ADAMTSL3: variants seen among roughly 807,000 people sequenced by gnomAD.
ADAMTSL3 encodes ADAMTS like 3, also known as ADAMTS-like protein 3.
A neutral mutation model predicts 201.7 loss-of-function variants in ADAMTSL3; 128 were observed. The ratio of observed to expected loss-of-function variants is 0.63; its 90% confidence interval spans 0.55 to 0.73. The LOEUF (loss-of-function observed/expected upper bound fraction) is 0.73, where lower values mean the gene tolerates loss of function less well. Ranked by LOEUF, ADAMTSL3 falls within the 30% of genes least tolerant of loss-of-function variation. The pLI, the probability that ADAMTSL3 is intolerant of heterozygous loss-of-function variation, is 0.00. For missense variants in ADAMTSL3, 1,990 were observed against 2,119.6 expected, an observed-to-expected ratio of 0.94 and a Z score of 1.20; for synonymous variants, 738 against 748.4, an observed-to-expected ratio of 0.99 and a Z score of 0.23.
At chr15:83,978,845 G>A (rs1038521868) in intron 20 of ADAMTSL3, among the ~76,000 whole-genome samples, 34 of 152,378 alleles carry the variant, frequency 2.2e-4, no homozygotes, top group African/African-American at 7.9e-4. Context: ...AAATGGGCAT[G>A]CAGCCACAGG....
chr15:84,030,492 T>C (rs1455862363), intron 27 of ADAMTSL3, among the ~76,000 whole-genome samples: 1 of 152,170 alleles, frequency 6.6e-6, no homozygotes, highest in Non-Finnish European at 1.5e-5. Context: ...GGCCAACTTC[T>C]CCCATTTGGA....
chr15:83,709,374 G>A (rs758779100), intron 3 of ADAMTSL3, among the ~76,000 whole-genome samples: 2 of 152,136 alleles, frequency 1.3e-5, no homozygotes, highest in African/African-American at 2.4e-5. Flanking sequence ...AGTTTGGGAC[G>A]ACTGGCTAAG....
Position 83,851,563 on chromosome 15 carries a change from C to G in ADAMTSL3, c.728-7203C>G, listed in dbSNP as rs539170620. Among the ~76,000 whole-genome samples, 6 of 152,224 alleles carry G rather than the reference C, an allele frequency of 3.9e-5. No homozygotes were observed. In the East Asian group the frequency reaches 1.2e-3, roughly 29 times the overall value. Reference sequence around the variant, plus strand: ...ATAGGTTTTCTTCAGTTCAGTAAAGCTTTCTAATTTATATGTATTTTCAAA... The same window carrying G: ...ATAGGTTTTCTTCAGTTCAGTAAAGGTTTCTAATTTATATGTATTTTCAAA... On this transcript the variant is annotated intron_variant, in intron 7 of 29. Coordinates refer to ENST00000286744, the MANE Select transcript of ADAMTSL3 (RefSeq NM_207517.3).
chr15:83,794,124 C>T (rs553986001), intron 4 of ADAMTSL3, among the ~76,000 whole-genome samples: 14 of 152,202 alleles, frequency 9.2e-5, no homozygotes, highest in Non-Finnish European at 1.8e-4. Flanking sequence ...TCATTACCTA[C>T]CTATCAGAAT....
At chr15:83,930,676 T>C (rs1348233773) in intron 17 of ADAMTSL3, among the ~76,000 whole-genome samples, 1 of 152,218 alleles carries the variant, frequency 6.6e-6, no homozygotes, top group Non-Finnish European at 1.5e-5. Context: ...TCTGTTTTTA[T>C]GTGAAAGGAA....
intron 2 of ADAMTSL3, among the ~76,000 whole-genome samples, chr15:83,694,883 T>C (rs1467720507): frequency 6.6e-6 from 1 of 152,220 alleles, no homozygotes; most frequent in Non-Finnish European, 1.5e-5. Context: ...CGTTCAGATA[T>C]GTAGAGAAGT....
intron 15 of ADAMTSL3, among the ~76,000 whole-genome samples, chr15:83,910,903 G>A (rs536224592): frequency 1.3e-4 from 19 of 151,696 alleles, no homozygotes; most frequent in African/African-American, 4.6e-4. Context: ...GCCTCCCAAA[G>A]TGCTGGGATT....
At chr15:83,805,846 A>G (rs1239649982) in intron 5 of ADAMTSL3, among the ~76,000 whole-genome samples, 1 of 152,198 alleles carries the variant, frequency 6.6e-6, no homozygotes, top group Non-Finnish European at 1.5e-5. Flanking sequence ...CTCTGCCTCT[A>G]CTACTCCATC....
chr15:83,757,569 GTC>G (rs2062742177), intron 3 of ADAMTSL3, among the ~76,000 whole-genome samples: 1 of 152,186 alleles, frequency 6.6e-6, no homozygotes, highest in Admixed American at 6.5e-5. Flanking sequence ...TGCTGCAAAG[GTC>G]TCTGACATGC....
intron 5 of ADAMTSL3, among the ~76,000 whole-genome samples, chr15:83,812,030 G>A (rs1555447019): frequency 6.6e-6 from 1 of 152,168 alleles, no homozygotes; most frequent in Non-Finnish European, 1.5e-5. Flanking sequence ...GAGAGATTAT[G>A]CAAGTATATT....
chr15:83,842,948 TG>T (rs1187359598), intron 7 of ADAMTSL3, among the ~76,000 whole-genome samples: 1 of 152,194 alleles, frequency 6.6e-6, no homozygotes, highest in Non-Finnish European at 1.5e-5. Context: ...TAATTCTAAT[TG>T]AACCAGGGTA....
chr15:83,753,978 C>T (rs2062678213), intron 3 of ADAMTSL3, among the ~76,000 whole-genome samples: 1 of 152,168 alleles, frequency 6.6e-6, no homozygotes. Flanking sequence ...TTTTTATCTT[C>T]ATAAGTCATC....
At position 83,970,469 on chromosome 15, in the gene ADAMTSL3, C is replaced by G; in HGVS notation, c.2491-15C>G. On this transcript the variant is annotated splice_polypyrimidine_tract_variant and intron_variant, in intron 19 of 29. Transcript: ENST00000286744. Reference sequence around the variant, plus strand: ...TCATGCTCCATTTGACTCTGTTGCACAACTCTCATTTCAGTGTTCTGTCAG... The same window carrying G: ...TCATGCTCCATTTGACTCTGTTGCAGAACTCTCATTTCAGTGTTCTGTCAG... 6.2e-7 allele frequency: 1 copy of G among 1,614,036 alleles called. No individual in the cohort carries two copies. The highest frequency in any genetic ancestry group is 2.2e-5 in the East Asian group (1 of 44,872).
rs141755505 is a variant in ADAMTSL3, at chr15:83,968,924, G to A, written c.2491-1560G>A. ...AGGAACAGAAAACCAAACACTGCAC[G>A]TTCTCACTCTTAAGTGGGAGTTGAA... On this transcript the variant is annotated intron_variant, in intron 19 of 29. Coordinates refer to ENST00000286744, the MANE Select transcript of ADAMTSL3 (RefSeq NM_207517.3). 4.9e-3 allele frequency among the ~76,000 whole-genome samples: 749 copies of A among 152,164 alleles called. 4 individuals carry two copies. Among genetic ancestry groups the A allele is most frequent in the African/African-American group, 0.017 (706 of 41,494 alleles).
At chr15:83,660,764 G>A (rs893760549) in intron 2 of ADAMTSL3, among the ~76,000 whole-genome samples, 16 of 151,990 alleles carry the variant, frequency 1.1e-4, no homozygotes, top group African/African-American at 3.1e-4. Flanking sequence ...TTCTTTTGCC[G>A]TGCAGAAGCT....
intron 19 of ADAMTSL3, among the ~76,000 whole-genome samples, chr15:83,953,785 G>C (rs2066800599): frequency 6.6e-6 from 1 of 152,162 alleles, no homozygotes; most frequent in African/African-American, 2.4e-5. Context: ...CTTAATGCTT[G>C]AAGGATATTT....
intron 8 of ADAMTSL3, 33 bp downstream of exon 8, chr15:83,858,873 A>G (rs2064797180): frequency 1.3e-6 from 2 of 1,544,366 alleles, no homozygotes; most frequent in Non-Finnish European, 1.8e-6. Flanking sequence ...ATTTTTTAAT[A>G]TCCTGAAAGT....
At position 83,991,123 on chromosome 15, in the gene ADAMTSL3, C is replaced by T. The variant is rs746513600; in HGVS notation, c.3882C>T (p.Thr1294=). Reference sequence around the variant, plus strand: ...TCTTGTCTGTTGAAAGAAATATCACCAAACCAGAGCACAACCATCTGTCTG... The same window carrying T: ...TCTTGTCTGTTGAAAGAAATATCACTAAACCAGAGCACAACCATCTGTCTG... The part of the protein sequence containing the change: ...PVILSVERNI[T]KPEHNHLSVV... Residue 1294 remains threonine, a synonymous_variant, in exon 23 of 30, where the codon ACC becomes ACT. Coordinates refer to ENST00000286744, the MANE Select transcript of ADAMTSL3 (RefSeq NM_207517.3). 1 of 1,614,174 alleles carries T rather than the reference C, an allele frequency of 6.2e-7. No homozygotes were observed. The highest frequency in any genetic ancestry group is 1.7e-5 in the Admixed American group (1 of 60,022).
chr15:84,032,655 G>T (rs2068430526), intron 28 of ADAMTSL3, among the ~76,000 whole-genome samples: 1 of 152,112 alleles, frequency 6.6e-6, no homozygotes, highest in Admixed American at 6.5e-5. Context: ...TTCCCATCAA[G>T]TAAAGATTAA....
Sources: allele counts gnomAD v4.1 joint callset (sites outside exome capture counted in the v4.1 genomes callset), GRCh38; gene constraint gnomAD v4.1.1; transcripts MANE v1.5; gene names NCBI Gene and HGNC (gene_info 2026-07-23, HGNC 2026-07-21).